Variants in ZNRF3 observed in about 807,000 individuals in gnomAD.
ZNRF3 encodes E3 ubiquitin-protein ligase ZNRF3.
Under a neutral mutation model 72.5 loss-of-function variants are expected in ZNRF3, and 23 were observed. That is an observed-to-expected ratio of 0.32 (90% CI 0.23 to 0.45). The LOEUF is 0.45. ZNRF3 is among the 20% of genes least tolerant of loss of function. The pLI is 1.00. For missense variants in ZNRF3, 1,169 were observed against 1,272.1 expected (o/e 0.92, Z 1.23); for synonymous variants, 610 against 545.3 (o/e 1.12, Z -1.65).
intron 1 of ZNRF3, among the ~76,000 whole-genome samples, chr22:28,933,637 G>A (rs993559770): frequency 6.6e-6 from 1 of 151,846 alleles, no homozygotes; most frequent in Non-Finnish European, 1.5e-5. Flanking sequence ...TCTTGATTAT[G>A]TCCAAAGAAA....
In ZNRF3 at chr22:28,889,301, G is replaced by A. The variant is rs183483694; in HGVS notation, c.300+5235G>A. 9.5e-4 allele frequency among the ~76,000 whole-genome samples: 145 copies of A among 152,288 alleles called. 1 individual carries two copies. Among genetic ancestry groups the A allele is most frequent in the Non-Finnish European group, 1.8e-3 (125 of 68,018 alleles). On this transcript the variant is annotated intron_variant, in intron 1 of 8. Transcript: ENST00000544604. ...TCCATGAACTCCTGCAAGTGTATGC[G>A]TATTCTTGTCTATGGGCAGTTACAA...
At chr22:29,051,959 A>G (rs540533579) in intron 8 of ZNRF3, among the ~76,000 whole-genome samples, 3 of 151,538 alleles carry the variant, frequency 2.0e-5, no homozygotes, top group South Asian at 4.2e-4. Context: ...GGGCTTCTCA[A>G]CCCGCCTGTG....
intron 2 of ZNRF3, among the ~76,000 whole-genome samples, chr22:29,001,597 G>A (rs554477761): frequency 2.6e-5 from 4 of 151,370 alleles, no homozygotes; most frequent in East Asian, 3.9e-4. Flanking sequence ...TCAGCCTTCC[G>A]AGTAGCTGGG....
At chr22:29,035,955 C>A (rs2036859627) in intron 2 of ZNRF3, among the ~76,000 whole-genome samples, 1 of 152,132 alleles carries the variant, frequency 6.6e-6, no homozygotes, top group Non-Finnish European at 1.5e-5. Context: ...GATCCTCCCT[C>A]CTCAGCCTCC....
chr22:28,974,074 C>T (rs2035626424), intron 1 of ZNRF3, among the ~76,000 whole-genome samples: 1 of 151,740 alleles, frequency 6.6e-6, no homozygotes, highest in Non-Finnish European at 1.5e-5. Context: ...CCTCCCGCCT[C>T]AGCCTCCCGA....
intron 2 of ZNRF3, among the ~76,000 whole-genome samples, chr22:29,033,427 A>G (rs1005746546): frequency 1.3e-5 from 2 of 151,338 alleles, no homozygotes; most frequent in African/African-American, 4.8e-5. Context: ...AACAATAAGC[A>G]GGAGGAGGTC....
At chr22:28,941,963 A>AAAC (rs916082755) in intron 1 of ZNRF3, among the ~76,000 whole-genome samples, 23 of 152,164 alleles carry the variant, frequency 1.5e-4, no homozygotes, top group African/African-American at 2.4e-4. Flanking sequence ...CTCAAAAACA[A>AAAC]AACAACAACA....
intron 3 of ZNRF3, among the ~76,000 whole-genome samples, chr22:29,042,834 G>A (rs1271953113): frequency 1.3e-5 from 2 of 151,384 alleles, no homozygotes; most frequent in African/African-American, 2.4e-5. Flanking sequence ...GAGTGCAGTG[G>A]CGCAATTTCA....
intron 2 of ZNRF3, chr22:28,992,586 C>G (rs1323237173): frequency 6.6e-6 from 1 of 152,170 alleles, no homozygotes; most frequent in Non-Finnish European, 1.5e-5. Flanking sequence ...CACACTTAGG[C>G]TAGTCAGCTG....
At chr22:28,959,837 G>T (rs2035324868) in intron 1 of ZNRF3, among the ~76,000 whole-genome samples, 1 of 152,186 alleles carries the variant, frequency 6.6e-6, no homozygotes, top group African/African-American at 2.4e-5. Flanking sequence ...TATGCACAAA[G>T]AACAGGTCAT....
chr22:28,894,962 G>T (rs760059331), intron 1 of ZNRF3, among the ~76,000 whole-genome samples: 3 of 152,110 alleles, frequency 2.0e-5, no homozygotes, highest in Non-Finnish European at 4.4e-5. Context: ...CCTTCAGCAG[G>T]TACACAGGCC....
chr22:28,983,707 G>A (rs955337284), intron 1 of ZNRF3, among the ~76,000 whole-genome samples: 4 of 152,196 alleles, frequency 2.6e-5, no homozygotes, highest in Admixed American at 2.0e-4. Flanking sequence ...ATTGCCATGC[G>A]TGTGTATGTG....
At chr22:28,948,005 CA>C (rs1297451818) in intron 1 of ZNRF3, among the ~76,000 whole-genome samples, 4 of 148,246 alleles carry the variant, frequency 2.7e-5, no homozygotes, top group Non-Finnish European at 4.5e-5. Context: ...CCACCACACC[CA>C]GCTAATTTTT....
chr22:28,983,528 G>T (rs966001198), intron 1 of ZNRF3, among the ~76,000 whole-genome samples: 1 of 152,062 alleles, frequency 6.6e-6, no homozygotes, highest in African/African-American at 2.4e-5. Flanking sequence ...TCCATTCCTT[G>T]TCTTCTCCCC....
chr22:28,925,862 G>GA (rs1407227902), intron 1 of ZNRF3, among the ~76,000 whole-genome samples: 1 of 152,196 alleles, frequency 6.6e-6, no homozygotes, highest in East Asian at 1.9e-4. Context: ...TAATGGATGT[G>GA]ACAGAGTATG....
At chr22:28,916,201 A>G (rs1178308631) in intron 1 of ZNRF3, among the ~76,000 whole-genome samples, 1 of 152,078 alleles carries the variant, frequency 6.6e-6, no homozygotes, top group Non-Finnish European at 1.5e-5. Context: ...AGCTGGGACT[A>G]CAGGCAGGTG....
At chr22:28,982,646 GCAAATGAAATGGTATGTTCATTT>G (rs2035786317) in intron 1 of ZNRF3, among the ~76,000 whole-genome samples, 2 of 151,272 alleles carry the variant, frequency 1.3e-5, no homozygotes, top group Admixed American at 1.3e-4. Context: ...CCCATAAAAT[GCAAATGAAATGGTATGTTCATTT>G]GCATTTTATG....
At chr22:28,888,745 A>G (rs2123741926) in intron 1 of ZNRF3, among the ~76,000 whole-genome samples, 1 of 152,328 alleles carries the variant, frequency 6.6e-6, no homozygotes, top group South Asian at 2.1e-4. Flanking sequence ...TCCATTTTAC[A>G]GAGGAGAAAA....
At chr22:28,895,739 T>C (rs1387236634) in intron 1 of ZNRF3, among the ~76,000 whole-genome samples, 2 of 151,908 alleles carry the variant, frequency 1.3e-5, no homozygotes, top group Admixed American at 6.6e-5. Flanking sequence ...CATCTAGCCT[T>C]TGGTCTTAAG....
Sources: gnomAD v4.1 joint callset for allele counts (sites outside exome capture counted in the v4.1 genomes callset) on GRCh38, gnomAD v4.1.1 for gene constraint, MANE v1.5 for transcripts, NCBI Gene and HGNC (gene_info 2026-07-23, HGNC 2026-07-21) for gene names.